The following ARHGAP32 variants were observed in gnomAD, a reference collection of about 807,000 sequenced individuals.
ARHGAP32 encodes rho GTPase-activating protein 32.
In ARHGAP32, 51 loss-of-function variants were observed where a neutral mutation model predicts 186.5. That is an observed-to-expected ratio of 0.27 (90% CI 0.22 to 0.35). The LOEUF is 0.35. ARHGAP32 is among the 10% of genes least tolerant of loss of function. The pLI is 1.00. For missense variants in ARHGAP32, 2,186 were observed against 2,623.5 expected (o/e 0.83, Z 3.64); for synonymous variants, 950 against 964.3 (o/e 0.99, Z 0.27).
At chr11:129,065,362 T>C (rs535523453) in intron 7 of ARHGAP32, among the ~76,000 whole-genome samples, 6 of 152,156 alleles carry the variant, frequency 3.9e-5, no homozygotes, top group South Asian at 4.1e-4. Flanking sequence ...TCCTATACCA[T>C]GGTTCAGCCG....
At chr11:129,097,491 A>C (rs1187414504) in intron 5 of ARHGAP32, among the ~76,000 whole-genome samples, 2 of 152,186 alleles carry the variant, frequency 1.3e-5, no homozygotes, top group African/African-American at 4.8e-5. Flanking sequence ...AGAAACCAAA[A>C]TCAAATTTTG....
intron 1 of ARHGAP32, among the ~76,000 whole-genome samples, chr11:129,221,743 T>C (rs1944714754): frequency 6.6e-6 from 1 of 151,528 alleles, no homozygotes; most frequent in East Asian, 1.9e-4. Flanking sequence ...GGGCAGGAGG[T>C]CCAGGCTGCT....
At chr11:129,063,523 T>C (rs1214236505) in intron 9 of ARHGAP32, among the ~76,000 whole-genome samples, 1 of 152,172 alleles carries the variant, frequency 6.6e-6, no homozygotes, top group Non-Finnish European at 1.5e-5. Context: ...CAGACCTTGC[T>C]TTCCAGAAGC....
intron 1 of ARHGAP32, among the ~76,000 whole-genome samples, chr11:129,250,068 T>C (rs2135687596): frequency 6.6e-6 from 1 of 151,756 alleles, no homozygotes; most frequent in East Asian, 1.9e-4. Context: ...AAAAAATTAA[T>C]TAGCTGGGTG....
chr11:129,088,113 C>A (rs1941464504), intron 6 of ARHGAP32, among the ~76,000 whole-genome samples: 1 of 152,090 alleles, frequency 6.6e-6, no homozygotes, highest in African/African-American at 2.4e-5. Context: ...AGCAAAAAGT[C>A]TAATCTTTTA....
chr11:129,117,521 C>T (rs916778804), intron 5 of ARHGAP32, among the ~76,000 whole-genome samples: 1 of 151,940 alleles, frequency 6.6e-6, no homozygotes, highest in African/African-American at 2.4e-5. Flanking sequence ...GGCAGAAATG[C>T]ATGTAATGAT....
Position 129,113,893 on chromosome 11 carries a change from T to C in ARHGAP32, c.444+9553A>G, listed in dbSNP as rs1010493096. Among the ~76,000 whole-genome samples, 4 of 152,096 alleles carry C rather than the reference T, an allele frequency of 2.6e-5. No individual in the cohort carries two copies. In the South Asian group the frequency reaches 6.2e-4, roughly 24 times the overall value. On this transcript the variant is annotated intron_variant, in intron 5 of 22. Transcript: ENST00000682385. ...CTATTCACCCAGCTGACCAACCTAA[T>C]CGCCCTAGATTCTGCTACTTCTCCT...
intron 2 of ARHGAP32, among the ~76,000 whole-genome samples, chr11:129,144,008 A>T (rs1859770431): frequency 6.6e-6 from 1 of 152,230 alleles, no homozygotes; most frequent in Non-Finnish European, 1.5e-5. Context: ...TCAGAAAGAT[A>T]GATTTATTAA....
intron 1 of ARHGAP32, among the ~76,000 whole-genome samples, chr11:129,171,025 A>C (rs552127964): frequency 6.6e-6 from 1 of 151,880 alleles, no homozygotes; most frequent in Non-Finnish European, 1.5e-5. Context: ...ATTTATCTTT[A>C]TCTTGTAAAT....
At chr11:129,142,231 G>A (rs1364631754) in intron 2 of ARHGAP32, among the ~76,000 whole-genome samples, 3 of 152,048 alleles carry the variant, frequency 2.0e-5, no homozygotes, top group South Asian at 2.1e-4. Context: ...TGTCTTCCAC[G>A]TGTGCTTCCC....
rs1398252568 is a variant in ARHGAP32 at position 129,041,003 on chromosome 11, G to A, written c.970C>T (p.Leu324Phe). The change falls in exon 11 of 23, where the codon CTC (leucine) becomes TTC (phenylalanine). Residue 324 changes from leucine to phenylalanine, a missense_variant. Leu to Phe is a conservative substitution (Grantham distance 22). Transcript: ENST00000682385. ...WRGKHGFQVG[L>F]FPGHCVELIN... The stretch of plus-strand genomic sequence containing the variant: ...AACTCAACACAGTGTCCAGGGAAGA[G>A]TCCCACCTGATGAAAAGCAACAAAG... 3.1e-6 allele frequency: 5 copies of A among 1,593,476 alleles called. No homozygotes were observed. In the Admixed American group the frequency reaches 7.0e-5, roughly 22 times the overall value.
At chr11:129,273,887 A>G (rs1352395714) in intron 1 of ARHGAP32, among the ~76,000 whole-genome samples, 1 of 152,168 alleles carries the variant, frequency 6.6e-6, no homozygotes, top group Non-Finnish European at 1.5e-5. Context: ...CAAATTGGAC[A>G]TAACATTTCC....
At position 129,269,068 on chromosome 11, in the gene ARHGAP32, C is replaced by T. The variant is rs554449573; in HGVS notation, c.-5+10078G>A. Among the ~76,000 whole-genome samples the T allele has an allele frequency of 1.8e-4, 27 of 152,122 alleles. No individual in the cohort carries two copies. In the East Asian group the frequency reaches 2.9e-3, roughly 16 times the overall value. On this transcript the variant is annotated intron_variant, in intron 1 of 6. Coordinates refer to the ARHGAP32 transcript ENST00000525234. ...GTTGAATCACTTGAGTCCAGGAGTTCGAGACCAGCCTGGGCAACACGGTGA... is the reference window on the plus strand; with the variant it reads ...GTTGAATCACTTGAGTCCAGGAGTTTGAGACCAGCCTGGGCAACACGGTGA...
chr11:129,253,661 T>G (rs998732164), intron 1 of ARHGAP32, among the ~76,000 whole-genome samples: 2 of 152,178 alleles, frequency 1.3e-5, no homozygotes, highest in Non-Finnish European at 2.9e-5. Flanking sequence ...ATTATTAGTA[T>G]GCAAATTCAA....
Position 128,969,622 on chromosome 11 carries a change from G to A in ARHGAP32, c.5591C>T (p.Pro1864Leu), listed in dbSNP as rs773267672. 10 of 1,614,052 alleles carry A rather than the reference G, an allele frequency of 6.2e-6. No homozygotes were observed. Among genetic ancestry groups the A allele is most frequent in the South Asian group, 3.3e-5 (3 of 91,070 alleles). The change falls in exon 23 of 23, where the codon CCG becomes CTG. Residue 1864 changes from proline (P) to leucine (L), a missense_variant. Coordinates refer to ENST00000682385, the MANE Select transcript of ARHGAP32 (RefSeq NM_001378024.1). The surrounding 1 kb of genome is among the most constrained non-coding windows in gnomAD (Gnocchi z 4.8). Reference protein sequence around the residue: ...HHHGGHGSTQPEKPSLPQKQS... With the variant: ...HHHGGHGSTQLEKPSLPQKQS... ...CTTCTGAGGCAGGGATGGCTTCTCCGGCTGCGTGCTACCATGGCCTCCGTG... is the reference window on the plus strand; with the variant it reads ...CTTCTGAGGCAGGGATGGCTTCTCCAGCTGCGTGCTACCATGGCCTCCGTG...
At position 129,063,935 on chromosome 11, in the gene ARHGAP32, G is replaced by A. The variant is rs1940600253; in HGVS notation, c.852C>T (p.Tyr284=). 6.2e-7 allele frequency: 1 copy of A among 1,612,446 alleles called. No individual in the cohort carries two copies. Among genetic ancestry groups the A allele is most frequent in the African/African-American group, 1.3e-5 (1 of 74,758 alleles). The change falls in exon 9 of 23, where the codon TAC becomes TAT. Residue 284 remains tyrosine, a synonymous_variant. Transcript: ENST00000682385. Reference sequence around the variant, plus strand: ...TCAGTTCGTCAGGGGCCCGAGCAGTGTACCTCTTGATAACATGGGCAGCAC... The same window carrying A: ...TCAGTTCGTCAGGGGCCCGAGCAGTATACCTCTTGATAACATGGGCAGCAC... The part of the protein sequence containing the change: ...AVGAAHVIKR[Y]TARAPDELTL...
intron 1 of ARHGAP32, among the ~76,000 whole-genome samples, chr11:129,232,743 T>TA (rs1488792129): frequency 6.6e-6 from 1 of 152,206 alleles, no homozygotes; most frequent in Non-Finnish European, 1.5e-5. Flanking sequence ...GGTCCCTTGC[T>TA]GGCTGTCAGA....
At chr11:129,277,138 C>A (rs1267994703) in intron 1 of ARHGAP32, among the ~76,000 whole-genome samples, 1 of 152,032 alleles carries the variant, frequency 6.6e-6, no homozygotes, top group Non-Finnish European at 1.5e-5. Context: ...ATACAGTGTG[C>A]AGATAATATA....
chr11:129,035,109 C>T (rs564247826), intron 11 of ARHGAP32, among the ~76,000 whole-genome samples: 2 of 151,984 alleles, frequency 1.3e-5, no homozygotes, highest in Non-Finnish European at 2.9e-5. Context: ...TATATCATGC[C>T]CTAGGGTGAC....
Sources: gnomAD v4.1 joint callset for allele counts (sites outside exome capture counted in the v4.1 genomes callset) on GRCh38, gnomAD v4.1.1 for gene constraint, Gnocchi (gnomAD v3.1) non-coding constraint, MANE v1.5 for transcripts, NCBI Gene and HGNC (gene_info 2026-07-23, HGNC 2026-07-21) for gene names.